The following ITCH variants were observed in gnomAD, a reference collection of about 807,000 sequenced individuals.
ITCH encodes the protein itchy E3 ubiquitin protein ligase.
In ITCH, 28 loss-of-function variants were observed where a neutral mutation model predicts 126.8. That is an observed-to-expected ratio of 0.22 (90% CI 0.16 to 0.30). The LOEUF (loss-of-function observed/expected upper bound fraction) is 0.30. Among genes scored for constraint, ITCH ranks in the 10% least tolerant of loss-of-function variants. The pLI is 1.00. For missense variants in ITCH, 631 were observed against 1,032.4 expected (o/e 0.61, Z 5.33); for synonymous variants, 342 against 340.0 (o/e 1.01, Z -0.06).
At chr20:34,424,566 T>C in intron 7 of ITCH, 41 bp downstream of exon 7, 2 of 1,498,610 alleles carry the variant, frequency 1.3e-6, no homozygotes, top group Non-Finnish European at 9.3e-7. Context: ...TGCGGAGAGA[T>C]AGATTTCCTA....
chr20:34,506,666 G>A (rs1990636871), intron 24 of ITCH, among the ~76,000 whole-genome samples: 1 of 152,144 alleles, frequency 6.6e-6, no homozygotes, highest in Non-Finnish European at 1.5e-5. Context: ...TGGAAAAATT[G>A]TCTTCCACAA....
At chr20:34,404,644 C>A (rs1332912646) in intron 3 of ITCH, among the ~76,000 whole-genome samples, 2 of 151,886 alleles carry the variant, frequency 1.3e-5, no homozygotes, top group Non-Finnish European at 2.9e-5. Context: ...GGCTCCTGAC[C>A]CCCGTTGATC....
At chr20:34,456,633 C>CAAAA (rs11480631) in intron 12 of ITCH, among the ~76,000 whole-genome samples, 78 of 126,730 alleles carry the variant, frequency 6.2e-4, no homozygotes, top group Non-Finnish European at 1.0e-3. Flanking sequence ...ACCTTGTCTC[C>CAAAA]AAAAAAAAAA....
intron 2 of ITCH, among the ~76,000 whole-genome samples, chr20:34,390,587 T>C (rs1191000464): frequency 6.6e-6 from 1 of 150,706 alleles, no homozygotes; most frequent in African/African-American, 2.4e-5. Flanking sequence ...GTAGCTGGGA[T>C]TACAAGCGTG....
chr20:34,489,761 T>C, intron 21 of ITCH, 61 bp from the exon 22 acceptor site: 1 of 1,092,792 alleles, frequency 9.2e-7, no homozygotes, highest in Non-Finnish European at 1.4e-6. Flanking sequence ...TAGTCTTTCC[T>C]ATGTCCAGCT....
At chr20:34,381,037 C>A (rs986478160) in intron 2 of ITCH, among the ~76,000 whole-genome samples, 1 of 152,106 alleles carries the variant, frequency 6.6e-6, no homozygotes, top group Admixed American at 6.5e-5. Context: ...ATCTACCTGC[C>A]TCAGCCTTTC....
chr20:34,493,539 G>A (rs1201028260), intron 23 of ITCH, among the ~76,000 whole-genome samples: 1 of 152,142 alleles, frequency 6.6e-6, no homozygotes, highest in Admixed American at 6.5e-5. Context: ...GTAGATACTA[G>A]GTAAAGTTCC....
chr20:34,399,421 C>G (rs1373911417), intron 3 of ITCH, among the ~76,000 whole-genome samples: 1 of 151,954 alleles, frequency 6.6e-6, no homozygotes, highest in Non-Finnish European at 1.5e-5. Context: ...TAAAAATAAA[C>G]AAATGTCACC....
At chr20:34,477,347 A>G (rs542763862) in intron 16 of ITCH, among the ~76,000 whole-genome samples, 161 of 152,270 alleles carry the variant, frequency 1.1e-3, no homozygotes, top group African/African-American at 3.5e-3. Context: ...CCTGGCCAAC[A>G]TGGCAAAACC....
At chr20:34,407,256 T>C (rs2039091475) in intron 3 of ITCH, among the ~76,000 whole-genome samples, 1 of 152,110 alleles carries the variant, frequency 6.6e-6, no homozygotes, top group African/African-American at 2.4e-5. Flanking sequence ...CAGAATAAAA[T>C]CTAAATTATC....
intron 24 of ITCH, among the ~76,000 whole-genome samples, chr20:34,504,763 A>T (rs1333463066): frequency 6.6e-6 from 1 of 152,194 alleles, no homozygotes; most frequent in Non-Finnish European, 1.5e-5. Flanking sequence ...TCTAATCCTA[A>T]TCTGACAGCA....
At chr20:34,395,973 C>T (rs2038658944) in intron 3 of ITCH, among the ~76,000 whole-genome samples, 1 of 151,066 alleles carries the variant, frequency 6.6e-6, no homozygotes, top group African/African-American at 2.4e-5. Context: ...AGTGAAATTC[C>T]TAGGTTATAT....
At chr20:34,469,818 C>T (rs1987450331) in intron 14 of ITCH, among the ~76,000 whole-genome samples, 1 of 152,068 alleles carries the variant, frequency 6.6e-6, no homozygotes, top group Non-Finnish European at 1.5e-5. Flanking sequence ...AAAGAAAATC[C>T]CACAACAGTA....
chr20:34,410,712 A>G (rs151243878), intron 4 of ITCH, among the ~76,000 whole-genome samples: 26 of 152,272 alleles, frequency 1.7e-4, no homozygotes, highest in African/African-American at 5.5e-4. Context: ...ACCAAGTGGT[A>G]TCTATAAAAG....
chr20:34,481,746 C>T lies in ITCH; in HGVS notation c.2093+540C>T, dbSNP rs149965875. Among the ~76,000 whole-genome samples, 1,193 of 152,300 alleles carry T rather than the reference C, an allele frequency of 7.8e-3. 14 individuals are homozygous for T. Among genetic ancestry groups the T allele is most frequent in the African/African-American group, 0.027 (1,135 of 41,548 alleles). ...CCTCATCATCGGCCAGGCATGGTGGCTCATGCCTGTAATCCTAGCACTTTG... is the reference window on the plus strand; with the variant it reads ...CCTCATCATCGGCCAGGCATGGTGGTTCATGCCTGTAATCCTAGCACTTTG... On this transcript the variant is annotated intron_variant, in intron 20 of 24. Coordinates refer to ENST00000374864, the MANE Select transcript of ITCH (RefSeq NM_031483.7).
intron 23 of ITCH, among the ~76,000 whole-genome samples, chr20:34,499,760 C>G (rs1203218404): frequency 6.6e-6 from 1 of 151,706 alleles, no homozygotes; most frequent in East Asian, 1.9e-4. Flanking sequence ...TTTCTGGTTT[C>G]TCAAAGTGTA....
At chr20:34,396,032 A>AT (rs1279163509) in intron 3 of ITCH, among the ~76,000 whole-genome samples, 22 of 144,544 alleles carry the variant, frequency 1.5e-4, no homozygotes, top group Admixed American at 2.7e-4. Flanking sequence ...TATTATTATT[A>AT]TTATTTTTTT....
intron 12 of ITCH, among the ~76,000 whole-genome samples, chr20:34,452,443 T>G (rs1339208885): frequency 6.6e-6 from 1 of 152,216 alleles, no homozygotes; most frequent in East Asian, 1.9e-4. Flanking sequence ...GCTACAGATG[T>G]TTATGATTAT....
At chr20:34,443,863 G>C (rs1338406249) in intron 10 of ITCH, among the ~76,000 whole-genome samples, 1 of 152,142 alleles carries the variant, frequency 6.6e-6, no homozygotes, top group Non-Finnish European at 1.5e-5. Flanking sequence ...GCATGTACCT[G>C]TAGTCCTAGT....
Sources: gnomAD v4.1 joint callset for allele counts (sites outside exome capture counted in the v4.1 genomes callset) on GRCh38, gnomAD v4.1.1 for gene constraint, MANE v1.5 for transcripts, NCBI Gene and HGNC (gene_info 2026-07-23, HGNC 2026-07-21) for gene names.